Variants in ACTR3 observed in about 807,000 individuals in gnomAD.
ACTR3 encodes the protein actin-related protein 3.
In ACTR3, 12 loss-of-function variants were observed where a neutral mutation model predicts 56.8. The ratio of observed to expected loss-of-function variants is 0.21; its 90% CI spans 0.14 to 0.34. The LOEUF (loss-of-function observed/expected upper bound fraction) is 0.34. ACTR3 is among the 10% of genes least tolerant of loss of function. ACTR3 has a pLI of 1.00. For synonymous variants in ACTR3, 162 were observed against 167.4 expected (o/e 0.97, Z 0.25); for missense variants, 282 against 512.5 (o/e 0.55, Z 4.34).
chr2:113,936,212 A>G (rs1303377754), intron 6 of ACTR3, among the ~76,000 whole-genome samples: 1 of 147,376 alleles, frequency 6.8e-6, no homozygotes, highest in African/African-American at 2.5e-5. Context: ...AGATAACCTG[A>G]CCCTGGAGAG....
chr2:113,897,122 TTAAG>T (rs1170637629), intron 1 of ACTR3, among the ~76,000 whole-genome samples: 2 of 152,180 alleles, frequency 1.3e-5, no homozygotes, highest in African/African-American at 4.8e-5. Flanking sequence ...AGCAAAGCAA[TTAAG>T]TAATAATAGC....
At chr2:113,925,832 GTATT>G (rs1679610154) in intron 3 of ACTR3, among the ~76,000 whole-genome samples, 1 of 152,112 alleles carries the variant, frequency 6.6e-6, no homozygotes, top group South Asian at 2.1e-4. Flanking sequence ...ATACTGCAAG[GTATT>G]TATTTCTTTG....
chr2:113,908,027 C>G (rs958371952), intron 1 of ACTR3, among the ~76,000 whole-genome samples: 68 of 147,452 alleles, frequency 4.6e-4, no homozygotes, highest in African/African-American at 1.7e-3. Context: ...TACACTTGGT[C>G]AGGATCCTGA....
chr2:113,901,172 G>C (rs1213672027), intron 1 of ACTR3, among the ~76,000 whole-genome samples: 2 of 152,234 alleles, frequency 1.3e-5, no homozygotes, highest in Non-Finnish European at 2.9e-5. Context: ...CACAAAATTA[G>C]CTGGGCGTGG....
chr2:113,926,784 G>T (rs1679628665), intron 3 of ACTR3, among the ~76,000 whole-genome samples: 1 of 152,158 alleles, frequency 6.6e-6, no homozygotes, highest in Admixed American at 6.5e-5. Context: ...GTTTTGGTGG[G>T]AACACACCAC....
chr2:113,903,606 G>GCTCACTGAAACCTCTGC (rs1346883618), intron 1 of ACTR3, among the ~76,000 whole-genome samples: 7 of 151,190 alleles, frequency 4.6e-5, no homozygotes, highest in Admixed American at 1.3e-4. Flanking sequence ...CGCGATCTCG[G>GCTCACTGAAACCTCTGC]CTCACTGAAA....
At chr2:113,890,978 A>G (rs1044682525) in intron 1 of ACTR3, among the ~76,000 whole-genome samples, 1 of 152,140 alleles carries the variant, frequency 6.6e-6, no homozygotes, top group Admixed American at 6.5e-5. Context: ...AGGGAGAAAG[A>G]TGTCATGTGT....
rs546806992 is a variant in ACTR3 at position 113,927,321 on chromosome 2, G to A, written c.226-24G>A. On this transcript the variant is annotated intron_variant, in intron 3 of 11. Coordinates refer to ENST00000263238, the MANE Select transcript of ACTR3 (RefSeq NM_005721.5). ...TTTTTATATTAATAAGATTTAATTT[G>A]TATTTCCCTTTTTGTTTTAATAGTG... The A allele has an allele frequency of 2.2e-4, 310 of 1,431,586 alleles. 1 individual carries two copies. The highest frequency in any genetic ancestry group is 1.9e-3 in the South Asian group (136 of 72,218). 88.7% of individuals were successfully genotyped at this position (1,431,586 alleles called of 1,614,324 possible).
Position 113,951,491 on chromosome 2 carries a change from G to C in ACTR3, c.871G>C (p.Asp291His). 1.2e-6 allele frequency: 2 copies of C among 1,610,214 alleles called. No individual in the cohort carries two copies. Among genetic ancestry groups the C allele is most frequent in the Non-Finnish European group, 1.7e-6 (2 of 1,176,928 alleles). Residue 291 changes from aspartate (D) to histidine (H), a missense_variant, in exon 9 of 12, where the codon GAC becomes CAC. Coordinates refer to ENST00000263238, the MANE Select transcript of ACTR3 (RefSeq NM_005721.5). ...IFFHPEFANP[D>H]FTQPISEVVD... is the part of the protein sequence containing the mutation. Reference sequence around the variant, plus strand: ...ACTTATTTTTCAGTTTGCTAATCCAGACTTTACACAACCTATCTCAGAAGT... The same window carrying C: ...ACTTATTTTTCAGTTTGCTAATCCACACTTTACACAACCTATCTCAGAAGT...
chr2:113,962,552 G>A lies in ACTR3; in HGVS notation c.*5097G>A, dbSNP rs931256103. The A allele has an allele frequency of 3.3e-5, 5 of 150,614 alleles. No individual in the cohort carries two copies. Among genetic ancestry groups the A allele is most frequent in the Admixed American group, 6.6e-5 (1 of 15,132 alleles). The allele number at this position is 150,614 out of a possible 1,614,324, so 9.3% of individuals were successfully genotyped here. On this transcript the variant is annotated 3_prime_UTR_variant, in exon 12 of 12. Coordinates refer to ENST00000263238, the MANE Select transcript of ACTR3 (RefSeq NM_005721.5). The stretch of plus-strand genomic sequence containing the variant: ...GGAATTATATTAGAAAGTCGATATC[G>A]GAATTGGAACCACACATCTTTTTCT...
chr2:113,934,220 CTTTGTTTT>C (rs768514043), intron 5 of ACTR3, 51 bp from the exon 6 acceptor site: 146 of 1,094,752 alleles, frequency 1.3e-4, no homozygotes, highest in Middle Eastern at 2.1e-4. Context: ...TCGATTAACT[CTTTGTTTT>C]TTTGTTTTTT....
Position 113,957,499 on chromosome 2 carries a change from T to G in ACTR3, c.*44T>G, listed in dbSNP as rs1412246820. 9.9e-6 allele frequency: 15 copies of G among 1,509,236 alleles called. No individual in the cohort carries two copies. The highest frequency in any genetic ancestry group is 3.4e-5 in the Admixed American group (2 of 59,366). 93.5% of individuals were successfully genotyped at this position (1,509,236 alleles called of 1,614,324 possible). A position where few individuals can be genotyped will look rare whatever the true frequency, so the allele number is the denominator to read the frequency against. On this transcript the variant is annotated 3_prime_UTR_variant, in exon 12 of 12. Transcript: ENST00000263238. ...TGGGGTTAGGGAGGTGGGGAAGAGATAATCTTTCTGATTACCTGTTTTGTC... is the reference window on the plus strand; with the variant it reads ...TGGGGTTAGGGAGGTGGGGAAGAGAGAATCTTTCTGATTACCTGTTTTGTC...
intron 1 of ACTR3, among the ~76,000 whole-genome samples, chr2:113,903,076 C>T (rs1460485189): frequency 6.6e-6 from 1 of 152,184 alleles, no homozygotes; most frequent in East Asian, 1.9e-4. Context: ...TATGCTATAG[C>T]TTAGATCACT....
At chr2:113,897,864 C>T (rs1387120874) in intron 1 of ACTR3, among the ~76,000 whole-genome samples, 1 of 152,112 alleles carries the variant, frequency 6.6e-6, no homozygotes, top group Non-Finnish European at 1.5e-5. Flanking sequence ...GGATACTCAA[C>T]ATGCCATGTT....
Position 113,951,892 on chromosome 2 carries a change from G to A in ACTR3, c.1077+47G>A, listed in dbSNP as rs201421697. On this transcript the variant is annotated intron_variant, in intron 10 of 11. Transcript: ENST00000263238. Reference sequence around the variant, plus strand: ...TGAGAAGGTTGAGGGTGCCTTCCTTGATTAGGATGAGAAATATTTGCCAGC... The same window carrying A: ...TGAGAAGGTTGAGGGTGCCTTCCTTAATTAGGATGAGAAATATTTGCCAGC... The A allele has an allele frequency of 3.7e-6, 6 of 1,602,072 alleles. No individual in the cohort carries two copies. In the East Asian group the frequency reaches 8.9e-5, roughly 24 times the overall value.
Position 113,890,172 on chromosome 2 carries a change from G to A in ACTR3, c.-108G>A. The A allele has an allele frequency of 6.9e-7, 1 of 1,443,862 alleles. No individual in the cohort carries two copies. Among genetic ancestry groups the A allele is most frequent in the South Asian group, 1.2e-5 (1 of 81,984 alleles). 89.4% of individuals were successfully genotyped at this position (1,443,862 alleles called of 1,614,324 possible). A position where few individuals can be genotyped will look rare whatever the true frequency, so the allele number is the denominator to read the frequency against. ...CCCGGCTACCCCCCGGACGGTGAAG[G>A]CGGCCCAGCTGTGGATGGTCAGATA... On this transcript the variant is annotated 5_prime_UTR_variant, in exon 1 of 12. Coordinates refer to ENST00000263238, the MANE Select transcript of ACTR3 (RefSeq NM_005721.5).
intron 8 of ACTR3, among the ~76,000 whole-genome samples, chr2:113,949,261 C>T (rs1680075779): frequency 6.6e-6 from 1 of 150,798 alleles, no homozygotes; most frequent in African/African-American, 2.4e-5. Flanking sequence ...GCTTGTAATC[C>T]CAGCTACTCG....
chr2:113,890,726 G>A, intron 1 of ACTR3: 5 of 1,075,208 alleles, frequency 4.7e-6, no homozygotes, highest in Non-Finnish European at 5.6e-6. Flanking sequence ...GGACCCAGGG[G>A]CCGAGCTCGG....
intron 1 of ACTR3, among the ~76,000 whole-genome samples, chr2:113,903,554 T>A (rs1175896912): frequency 1.0e-4 from 14 of 139,252 alleles, no homozygotes; most frequent in Non-Finnish European, 1.7e-4. Context: ...TTTTTTTTTT[T>A]GAGACGGAGT....
Sources: allele counts gnomAD v4.1 joint callset (sites outside exome capture counted in the v4.1 genomes callset), GRCh38; gene constraint gnomAD v4.1.1; transcripts MANE v1.5; gene names NCBI Gene and HGNC (gene_info 2026-07-23, HGNC 2026-07-21).